Variants in DOCK10 observed in about 807,000 individuals in gnomAD.
The protein encoded by DOCK10 is dedicator of cytokinesis 10.
In DOCK10, 145 loss-of-function variants were observed where a neutral mutation model predicts 280.1. The ratio of observed to expected loss-of-function variants is 0.52; its 90% confidence interval spans 0.45 to 0.59. The LOEUF is 0.59. Among genes scored for constraint, DOCK10 ranks in the 20% least tolerant of loss-of-function variants. The pLI is 0.00. For synonymous variants in DOCK10, 915 were observed against 942.2 expected, an observed-to-expected ratio of 0.97 and a Z score of 0.53; for missense variants, 2,368 against 2,651.7, an observed-to-expected ratio of 0.89 and a Z score of 2.35.
At chr2:224,827,449 C>T (rs775127649) in intron 27 of DOCK10, among the ~76,000 whole-genome samples, 17 of 151,978 alleles carry the variant, frequency 1.1e-4, no homozygotes. Context: ...CACAATCATG[C>T]TGGCTATTAT....
intron 50 of DOCK10, among the ~76,000 whole-genome samples, chr2:224,780,823 C>T (rs997512201): frequency 1.3e-5 from 2 of 151,954 alleles, no homozygotes; most frequent in Non-Finnish European, 2.9e-5. Context: ...TCGCTTGAAT[C>T]CAGGAGGCGG....
chr2:225,038,968 T>A (rs944883059), intron 1 of DOCK10, among the ~76,000 whole-genome samples: 1 of 152,236 alleles, frequency 6.6e-6, no homozygotes. Flanking sequence ...AGTTTACCTA[T>A]ACTTTTTTTA....
At chr2:225,019,832 G>A (rs977049133) in intron 1 of DOCK10, among the ~76,000 whole-genome samples, 2 of 152,134 alleles carry the variant, frequency 1.3e-5, no homozygotes, top group African/African-American at 2.4e-5. Context: ...TGATTCTTAA[G>A]TTAAAAATCA....
intron 1 of DOCK10, among the ~76,000 whole-genome samples, chr2:225,030,635 T>G (rs1274798589): frequency 6.6e-6 from 1 of 152,224 alleles, no homozygotes; most frequent in Non-Finnish European, 1.5e-5. Context: ...CCTGCTTAGC[T>G]GAATCTTATT....
Position 224,807,902 on chromosome 2 carries a change from A to G in DOCK10, c.3585+9T>C, listed in dbSNP as rs1479906162. 1 of 1,606,976 alleles carries G rather than the reference A, an allele frequency of 6.2e-7. No individual in the cohort carries two copies. Among genetic ancestry groups the G allele is most frequent in the Admixed American group, 1.7e-5 (1 of 59,648 alleles). ...GTGTTTAGGGAAGGGAGAAAGGAAGATCACTTACTGGCTCTCTGTATCGAT... is the reference window on the plus strand; with the variant it reads ...GTGTTTAGGGAAGGGAGAAAGGAAGGTCACTTACTGGCTCTCTGTATCGAT... On this transcript the variant is annotated intron_variant, in intron 32 of 55. Coordinates refer to ENST00000258390, the MANE Select transcript of DOCK10 (RefSeq NM_014689.3).
At chr2:224,834,000 T>TATATAGATATATATAGTTGCTCGATATAG (rs1479015263) in intron 26 of DOCK10, 150 bp downstream of exon 26, 4 of 588,764 alleles carry the variant, frequency 6.8e-6, no homozygotes, top group African/African-American at 1.9e-5. Context: ...TTTTGCTTAG[T>TATATAGATATATATAGTTGCTCGATATAG]ATCTTTATAT....
intron 4 of DOCK10, among the ~76,000 whole-genome samples, chr2:224,891,955 T>C (rs925571119): frequency 6.6e-6 from 1 of 152,174 alleles, no homozygotes; most frequent in Non-Finnish European, 1.5e-5. Context: ...TTTCCAGATA[T>C]TACCTGGCTC....
chr2:224,849,436 C>G, intron 19 of DOCK10, 71 bp downstream of exon 19: 1 of 1,135,282 alleles, frequency 8.8e-7, no homozygotes, highest in Non-Finnish European at 1.3e-6. Context: ...GTGTTTTTCA[C>G]TGCACGGTTA....
chr2:225,029,222 G>C (rs1690008331), intron 1 of DOCK10, among the ~76,000 whole-genome samples: 1 of 151,962 alleles, frequency 6.6e-6, no homozygotes, highest in African/African-American at 2.4e-5. Flanking sequence ...CCCAGGCTGG[G>C]GTGCAGTGGC....
At chr2:224,822,876 G>A (rs147176780) in intron 28 of DOCK10, among the ~76,000 whole-genome samples, 470 of 152,124 alleles carry the variant, frequency 3.1e-3, no homozygotes, top group African/African-American at 0.01. Flanking sequence ...TTACTGTAGT[G>A]CAGCTTCCTT....
intron 1 of DOCK10, among the ~76,000 whole-genome samples, chr2:225,030,585 G>C (rs545201145): frequency 6.6e-6 from 1 of 152,242 alleles, no homozygotes; most frequent in East Asian, 1.9e-4. Context: ...CTACCCAGGC[G>C]CCCACGAGGA....
chr2:224,795,001 G>A lies in DOCK10; in HGVS notation c.5032C>T (p.Pro1678Ser). ...TACTGGAGATCCACCAGCATCTCGG[G>A]GTCCTTCTCGTGCTCCTTCATCTGA... ...TAQMKEHEKD[P>S]EMLVDLQYSL... Residue 1678 changes from proline (P) to serine (S), a missense_variant, in exon 45 of 56, where the codon CCC (proline) becomes TCC (serine). Coordinates refer to ENST00000258390, the MANE Select transcript of DOCK10 (RefSeq NM_014689.3). 6.2e-7 allele frequency: 1 copy of A among 1,613,774 alleles called. No homozygotes were observed. Among genetic ancestry groups the A allele is most frequent in the Non-Finnish European group, 8.5e-7 (1 of 1,179,852 alleles).
chr2:224,885,665 A>T lies in DOCK10; in HGVS notation c.747+6T>A. The stretch of plus-strand genomic sequence containing the variant: ...ATCCCAAGGAGGAAAAGGGATGTCT[A>T]CTCACCTGCACCACTCCTGTACAGG... On this transcript the variant is annotated splice_donor_region_variant and intron_variant, in intron 7 of 55. Transcript: ENST00000258390. 6.3e-7 allele frequency: 1 copy of T among 1,587,944 alleles called. No individual in the cohort carries two copies. Among genetic ancestry groups the T allele is most frequent in the East Asian group, 2.2e-5 (1 of 44,508 alleles).
At chr2:224,784,827 G>A (rs1480484260) in intron 50 of DOCK10, 20 of 1,190,618 alleles carry the variant, frequency 1.7e-5, no homozygotes, top group Non-Finnish European at 2.0e-5. Context: ...ACTTCTACCT[G>A]CTTTAGAGCC....
chr2:224,772,832 G>A (rs1384120677), intron 53 of DOCK10, among the ~76,000 whole-genome samples: 1 of 152,162 alleles, frequency 6.6e-6, no homozygotes, highest in Non-Finnish European at 1.5e-5. Context: ...TGACAGATAT[G>A]TACAAGAATG....
chr2:224,873,011 A>C (rs1698384611), intron 11 of DOCK10, among the ~76,000 whole-genome samples: 1 of 152,196 alleles, frequency 6.6e-6, no homozygotes, highest in African/African-American at 2.4e-5. Flanking sequence ...ATACATTAAC[A>C]ATCTAGTGGG....
chr2:224,872,320 T>C (rs1698341400), intron 11 of DOCK10, among the ~76,000 whole-genome samples: 1 of 152,240 alleles, frequency 6.6e-6, no homozygotes, highest in Non-Finnish European at 1.5e-5. Flanking sequence ...ACCTTTGATA[T>C]GGTACCATGT....
At chr2:224,975,666 C>G (rs1047831461) in intron 1 of DOCK10, among the ~76,000 whole-genome samples, 3 of 152,192 alleles carry the variant, frequency 2.0e-5, no homozygotes, top group African/African-American at 7.2e-5. Flanking sequence ...GTATGTCCCT[C>G]TCTGGTCCTG....
rs567311779 is a variant in DOCK10 at position 224,836,664 on chromosome 2, A to G, written c.2850+1098T>C. ...GCCCAGGCTGGAGTGCAGTGGCACA[A>G]TCTTGGCTCACTGCAAGCTCTGCCT... On this transcript the variant is annotated intron_variant, in intron 25 of 55. Coordinates refer to ENST00000258390, the MANE Select transcript of DOCK10 (RefSeq NM_014689.3). Among the ~76,000 whole-genome samples, 461 of 151,794 alleles carry G rather than the reference A, an allele frequency of 3.0e-3. 4 individuals are homozygous for G. Among genetic ancestry groups the G allele is most frequent in the South Asian group, 6.5e-3 (31 of 4,784 alleles).
Sources: gnomAD v4.1 joint callset for allele counts (sites outside exome capture counted in the v4.1 genomes callset) on GRCh38, gnomAD v4.1.1 for gene constraint, MANE v1.5 for transcripts, NCBI Gene and HGNC (gene_info 2026-07-23, HGNC 2026-07-21) for gene names.